IQCM: variants seen among roughly 807,000 people sequenced by gnomAD.
IQCM encodes the protein IQ domain-containing protein M.
A neutral mutation model predicts 57.6 loss-of-function variants in IQCM; 45 were observed. The observed-to-expected ratio is 0.78, with a 90% CI of 0.62 to 1.00. The LOEUF is 1.00. IQCM is among the 50% of genes least tolerant of loss of function. The pLI is 0.00. For synonymous variants in IQCM, 148 were observed against 158.9 expected (o/e 0.93, Z 0.51); for missense variants, 468 against 511.6 (o/e 0.91, Z 0.82).
chr4:149,681,890 C>A (rs1281318325), intron 7 of IQCM, among the ~76,000 whole-genome samples: 1 of 151,050 alleles, frequency 6.6e-6, no homozygotes, highest in East Asian at 1.9e-4. Flanking sequence ...TTTACTACAA[C>A]CTGCAATATT....
At chr4:149,647,187 A>G (rs1758719394) in intron 7 of IQCM, among the ~76,000 whole-genome samples, 1 of 152,134 alleles carries the variant, frequency 6.6e-6, no homozygotes, top group African/African-American at 2.4e-5. Context: ...TAAAAATTTT[A>G]CCCACTTTTT....
At chr4:149,358,923 G>A (rs978718578) in intron 13 of IQCM, among the ~76,000 whole-genome samples, 1 of 81,170 alleles carries the variant, frequency 1.2e-5, no homozygotes. Context: ...GTGGAAATGA[G>A]AAAGAGAGAG....
chr4:149,409,791 A>C (rs1256211747), intron 13 of IQCM, among the ~76,000 whole-genome samples: 1 of 152,176 alleles, frequency 6.6e-6, no homozygotes, highest in African/African-American at 2.4e-5. Context: ...GCAGTAGCAC[A>C]GAGAGGATAA....
At chr4:149,797,939 G>C (rs899702980) in intron 2 of IQCM, among the ~76,000 whole-genome samples, 2 of 150,858 alleles carry the variant, frequency 1.3e-5, no homozygotes, top group African/African-American at 4.9e-5. Flanking sequence ...ATGCTAAAGA[G>C]AGTACTTCAA....
intron 3 of IQCM, among the ~76,000 whole-genome samples, chr4:149,740,847 G>A (rs1767391235): frequency 6.6e-6 from 1 of 152,152 alleles, no homozygotes; most frequent in African/African-American, 2.4e-5. Flanking sequence ...AACAGGTTCA[G>A]ATGGAGAGAA....
chr4:149,605,538 A>G (rs1254286507), intron 8 of IQCM, among the ~76,000 whole-genome samples: 4 of 152,204 alleles, frequency 2.6e-5, no homozygotes, highest in Non-Finnish European at 5.9e-5. Flanking sequence ...CATTCTCCCA[A>G]TAAGTATCTT....
chr4:149,547,231 G>C (rs896502591), intron 12 of IQCM, among the ~76,000 whole-genome samples: 2 of 152,084 alleles, frequency 1.3e-5, no homozygotes, highest in South Asian at 4.1e-4. Flanking sequence ...TAGCCTTGTA[G>C]CATAGTTTGA....
chr4:149,450,404 CAGTCATCAA>C (rs1736984010), intron 12 of IQCM, among the ~76,000 whole-genome samples: 1 of 151,710 alleles, frequency 6.6e-6, no homozygotes, highest in Admixed American at 6.6e-5. Context: ...GCAAAGTAAA[CAGTCATCAA>C]AGTGAGAAAA....
intron 8 of IQCM, among the ~76,000 whole-genome samples, chr4:149,600,655 G>A (rs1449299756): frequency 6.6e-6 from 1 of 152,132 alleles, no homozygotes; most frequent in East Asian, 1.9e-4. Flanking sequence ...GTCAAAGGCT[G>A]CCCTAGCCTC....
chr4:149,616,555 T>G (rs1302746332), intron 8 of IQCM, among the ~76,000 whole-genome samples: 1 of 152,162 alleles, frequency 6.6e-6, no homozygotes, highest in Non-Finnish European at 1.5e-5. Context: ...GCCAAAGAAC[T>G]ATAAACTTAA....
At chr4:149,548,637 C>G (rs536986663) in intron 11 of IQCM, 48 bp from the exon 12 acceptor site, 20 of 944,580 alleles carry the variant, frequency 2.1e-5, no homozygotes, top group African/African-American at 2.0e-4. Flanking sequence ...AACAATACAT[C>G]AAGTAAAAAC....
chr4:149,741,761 T>A (rs1331481011), intron 3 of IQCM, among the ~76,000 whole-genome samples: 1 of 152,176 alleles, frequency 6.6e-6, no homozygotes, highest in Non-Finnish European at 1.5e-5. Context: ...AATGTGTAAT[T>A]AATAATAATG....
At chr4:149,378,017 G>A (rs1353088879) in intron 13 of IQCM, among the ~76,000 whole-genome samples, 1 of 152,082 alleles carries the variant, frequency 6.6e-6, no homozygotes, top group African/African-American at 2.4e-5. Context: ...CCCTCATACT[G>A]TTCTCATGGT....
chr4:149,706,392 A>G (rs892385064), intron 5 of IQCM, among the ~76,000 whole-genome samples: 29 of 151,958 alleles, frequency 1.9e-4, no homozygotes, highest in African/African-American at 6.0e-4. Context: ...TTTGGGGGGC[A>G]TGTGGTATTT....
chr4:149,604,197 A>G (rs1414053743), intron 8 of IQCM, among the ~76,000 whole-genome samples: 7 of 152,132 alleles, frequency 4.6e-5, no homozygotes, highest in Non-Finnish European at 1.0e-4. Flanking sequence ...TAGCAAGTGT[A>G]ATTACTGGTT....
chr4:149,410,774 T>A (rs182869346), intron 13 of IQCM, among the ~76,000 whole-genome samples: 2 of 152,230 alleles, frequency 1.3e-5, no homozygotes, highest in Admixed American at 1.3e-4. Flanking sequence ...ATTTTGTGGC[T>A]TTAGGTGACT....
chr4:149,800,806 T>C (rs142776742), intron 2 of IQCM, among the ~76,000 whole-genome samples: 72 of 151,920 alleles, frequency 4.7e-4, no homozygotes, highest in South Asian at 1.9e-3. Context: ...TAATGAAAAC[T>C]ATAAAACACT....
chr4:149,516,125 C>G (rs1395481376), intron 12 of IQCM, among the ~76,000 whole-genome samples: 1 of 152,158 alleles, frequency 6.6e-6, no homozygotes, highest in African/African-American at 2.4e-5. Flanking sequence ...GATTAGTGCC[C>G]AATTTGCCAA....
At chr4:149,579,313 A>C (rs1488687953) in intron 9 of IQCM, among the ~76,000 whole-genome samples, 1 of 151,780 alleles carries the variant, frequency 6.6e-6, no homozygotes, top group African/African-American at 2.4e-5. Flanking sequence ...ACTTCTCTAG[A>C]GATGAGGCCA....
Sources: allele counts gnomAD v4.1 joint callset (sites outside exome capture counted in the v4.1 genomes callset), GRCh38; gene constraint gnomAD v4.1.1; transcripts MANE v1.5; gene names NCBI Gene and HGNC (gene_info 2026-07-23, HGNC 2026-07-21).